The following SPATA18 variants were observed in gnomAD, a reference collection of about 807,000 sequenced individuals.
The protein encoded by SPATA18 is mitochondria-eating protein.
SPATA18 carries 54 observed loss-of-function variants against 68.1 expected under a neutral mutation model. The observed-to-expected ratio is 0.79, with a 90% CI of 0.64 to 0.99. SPATA18 has a LOEUF of 0.99. SPATA18 is among the 50% of genes least tolerant of loss of function. The pLI, the probability that SPATA18 is intolerant of heterozygous loss-of-function variation, is 0.00. For missense variants in SPATA18, 724 were observed against 681.1 expected (o/e 1.06, Z -0.70); for synonymous variants, 242 against 244.8 (o/e 0.99, Z 0.11).
At chr4:52,058,147 A>G (rs1279519826) in intron 1 of SPATA18, among the ~76,000 whole-genome samples, 2 of 152,228 alleles carry the variant, frequency 1.3e-5, no homozygotes, top group African/African-American at 2.4e-5. Flanking sequence ...TGTTCAGGCT[A>G]TGGGTTTTAA....
chr4:52,080,278 C>G (rs986622743), intron 9 of SPATA18, among the ~76,000 whole-genome samples: 2 of 152,080 alleles, frequency 1.3e-5, no homozygotes, highest in Admixed American at 1.3e-4. Flanking sequence ...CAGAATTACT[C>G]AAGGTACTTG....
At chr4:52,089,560 C>T (rs1159336782) in intron 11 of SPATA18, among the ~76,000 whole-genome samples, 12 of 152,296 alleles carry the variant, frequency 7.9e-5, no homozygotes, top group Admixed American at 7.2e-4. Context: ...CATTCAGGAG[C>T]AGGTTGTTCA....
At chr4:52,094,047 A>G (rs909526594) in intron 11 of SPATA18, among the ~76,000 whole-genome samples, 21 of 152,178 alleles carry the variant, frequency 1.4e-4, no homozygotes, top group Admixed American at 1.3e-3. Flanking sequence ...TGATGCTTGT[A>G]GCCAGTTACG....
intron 11 of SPATA18, among the ~76,000 whole-genome samples, chr4:52,094,064 C>T (rs901826870): frequency 7.2e-5 from 11 of 152,210 alleles, no homozygotes; most frequent in Middle Eastern, 3.4e-3. Context: ...TACGCCTGAC[C>T]GGCTATGTCA....
intron 1 of SPATA18, among the ~76,000 whole-genome samples, chr4:52,059,036 G>C (rs899422021): frequency 6.6e-6 from 1 of 152,150 alleles, no homozygotes; most frequent in Non-Finnish European, 1.5e-5. Flanking sequence ...TCATTTATAT[G>C]CATCCATCCA....
At chr4:52,077,936 T>A (rs1050767502) in intron 7 of SPATA18, among the ~76,000 whole-genome samples, 1 of 152,180 alleles carries the variant, frequency 6.6e-6, no homozygotes, top group African/African-American at 2.4e-5. Flanking sequence ...AACATTGGTA[T>A]GAGAGCAGAA....
chr4:52,058,506 C>G (rs572220117), intron 1 of SPATA18, among the ~76,000 whole-genome samples: 139 of 152,304 alleles, frequency 9.1e-4, no homozygotes, highest in African/African-American at 3.1e-3. Flanking sequence ...TCTAAATGTC[C>G]TTCTGTGCCT....
At chr4:52,085,599 A>G (rs1026236374) in intron 11 of SPATA18, among the ~76,000 whole-genome samples, 7 of 152,204 alleles carry the variant, frequency 4.6e-5, no homozygotes, top group Non-Finnish European at 8.8e-5. Flanking sequence ...AGGGTGGCTG[A>G]CACCTGTAAC....
At position 52,079,933 on chromosome 4, in the gene SPATA18, G is replaced by A; in HGVS notation, c.1355+14G>A. 4 of 1,607,292 alleles carry A rather than the reference G, an allele frequency of 2.5e-6. No individual in the cohort carries two copies. The highest frequency in any genetic ancestry group is 3.4e-6 in the Non-Finnish European group (4 of 1,177,124). On this transcript the variant is annotated intron_variant, in intron 9 of 12. Transcript: ENST00000295213. ...TAATGATTGCAAGTAAGAGACACAGGAGCAGAAGCTAAGGGATTTATCATG... is the reference window on the plus strand; with the variant it reads ...TAATGATTGCAAGTAAGAGACACAGAAGCAGAAGCTAAGGGATTTATCATG...
intron 8 of SPATA18, 78 bp downstream of exon 8, chr4:52,078,971 C>G (rs1463817163): frequency 7.4e-7 from 1 of 1,355,356 alleles, no homozygotes; most frequent in Non-Finnish European, 9.8e-7. Flanking sequence ...ACTCAGAAAT[C>G]CATCCAGTAT....
chr4:52,060,691 G>C, intron 2 of SPATA18, 91 bp from the exon 3 acceptor site: 2 of 1,199,526 alleles, frequency 1.7e-6, no homozygotes, highest in South Asian at 2.6e-5. Context: ...AAGTTTTAGG[G>C]TACATGTACA....
intron 8 of SPATA18, among the ~76,000 whole-genome samples, chr4:52,079,412 C>T (rs536048911): frequency 6.6e-6 from 1 of 152,246 alleles, no homozygotes; most frequent in African/African-American, 2.4e-5. Context: ...GGATTATGAA[C>T]AATTCAGAGT....
intron 6 of SPATA18, among the ~76,000 whole-genome samples, chr4:52,073,018 C>G (rs188939958): frequency 2.2e-4 from 33 of 152,248 alleles, no homozygotes; most frequent in Admixed American, 2.0e-3. Flanking sequence ...TTCCCTTATT[C>G]TTTTTAACAA....
At chr4:52,070,997 T>G (rs1739792295) in intron 5 of SPATA18, among the ~76,000 whole-genome samples, 1 of 152,098 alleles carries the variant, frequency 6.6e-6, no homozygotes, top group African/African-American at 2.4e-5. Context: ...CTAGGAACAC[T>G]GTTCTATTTT....
At chr4:52,061,167 A>T (rs1196174652) in intron 3 of SPATA18, among the ~76,000 whole-genome samples, 1 of 152,208 alleles carries the variant, frequency 6.6e-6, no homozygotes, top group Non-Finnish European at 1.5e-5. Context: ...ATTTATATGG[A>T]TTTACCTATA....
At chr4:52,066,371 C>T (rs1183085271) in intron 4 of SPATA18, among the ~76,000 whole-genome samples, 4 of 152,074 alleles carry the variant, frequency 2.6e-5, no homozygotes, top group African/African-American at 4.8e-5. Context: ...AGGATGGTCT[C>T]GATCTCCTGA....
At chr4:52,059,463 A>C (rs1443057075) in intron 1 of SPATA18, among the ~76,000 whole-genome samples, 2 of 152,248 alleles carry the variant, frequency 1.3e-5, no homozygotes, top group Admixed American at 1.3e-4. Flanking sequence ...AGGAATGAGG[A>C]AAGCAGAATA....
Position 52,078,813 on chromosome 4 carries a change from G to C in SPATA18, c.1099G>C (p.Gly367Arg). 1 of 1,609,456 alleles carries C rather than the reference G, an allele frequency of 6.2e-7. No homozygotes were observed. Among genetic ancestry groups the C allele is most frequent in the South Asian group, 1.1e-5 (1 of 90,700 alleles). ...AAAATCGTTGACACCATCTTATGTG[G>C]GGTCGAATGACTTTGAGAATGCTGT... ...VRKSLTPSYV[G>R]SNDFENAVLD... The change falls in exon 8 of 13, where the codon GGG (glycine) becomes CGG (arginine). Residue 367 changes from glycine to arginine, a missense_variant. Gly to Arg is a moderately radical substitution (Grantham distance 125). Coordinates refer to ENST00000295213, the MANE Select transcript of SPATA18 (RefSeq NM_145263.4).
chr4:52,082,277 T>G (rs1740993740), intron 9 of SPATA18, 110 bp from the exon 10 acceptor site: 1 of 1,025,576 alleles, frequency 9.8e-7, no homozygotes, highest in Non-Finnish European at 1.5e-6. Flanking sequence ...TTGACCTATA[T>G]TTACTCAGAT....
Sources: gnomAD v4.1 joint callset for allele counts (sites outside exome capture counted in the v4.1 genomes callset) on GRCh38, gnomAD v4.1.1 for gene constraint, MANE v1.5 for transcripts, NCBI Gene and HGNC (gene_info 2026-07-23, HGNC 2026-07-21) for gene names.